ROBO1: variants seen among roughly 807,000 people sequenced by gnomAD.
The protein encoded by ROBO1 is roundabout guidance receptor 1.
A neutral mutation model predicts 195.9 loss-of-function variants in ROBO1; 149 were observed. The ratio of observed to expected loss-of-function variants is 0.76; its 90% CI spans 0.67 to 0.87. The LOEUF (loss-of-function observed/expected upper bound fraction) is 0.87, where lower values mean the gene tolerates loss of function less well. ROBO1 is among the 40% of genes least tolerant of loss of function. The probability of loss-of-function intolerance (pLI) is 0.00; values close to 1 mark genes in which losing one functional copy is unlikely to be tolerated. For missense variants in ROBO1, 1,933 were observed against 2,068.3 expected (o/e 0.93, Z 1.27); for synonymous variants, 816 against 733.2 (o/e 1.11, Z -1.82).
At chr3:79,438,323 T>C (rs1375661041) in intron 2 of ROBO1, among the ~76,000 whole-genome samples, 2 of 152,066 alleles carry the variant, frequency 1.3e-5, no homozygotes, top group East Asian at 3.9e-4. Flanking sequence ...CTCCAATTTA[T>C]ATTAACACTA....
At chr3:78,873,953 C>T (rs1028035795) in intron 4 of ROBO1, among the ~76,000 whole-genome samples, 2 of 151,946 alleles carry the variant, frequency 1.3e-5, no homozygotes, top group Non-Finnish European at 2.9e-5. Flanking sequence ...TGGATTCAAA[C>T]TCAATTTGTT....
chr3:78,995,521 A>G (rs755254476), intron 3 of ROBO1, among the ~76,000 whole-genome samples: 2 of 152,084 alleles, frequency 1.3e-5, no homozygotes, highest in African/African-American at 2.4e-5. Flanking sequence ...GTCGATCGGG[A>G]GCATGTTGGG....
At chr3:78,791,806 G>A (rs1377504532) in intron 4 of ROBO1, among the ~76,000 whole-genome samples, 2 of 152,174 alleles carry the variant, frequency 1.3e-5, no homozygotes, top group Non-Finnish European at 2.9e-5. Context: ...GTGCTACGTA[G>A]CAATGTTCCG....
At chr3:78,935,795 A>G (rs2039774246) in intron 4 of ROBO1, among the ~76,000 whole-genome samples, 1 of 152,066 alleles carries the variant, frequency 6.6e-6, no homozygotes, top group Non-Finnish European at 1.5e-5. Flanking sequence ...ATAAATTTTA[A>G]AATCACATTT....
At chr3:78,919,493 C>T (rs900534223) in intron 4 of ROBO1, among the ~76,000 whole-genome samples, 8 of 152,174 alleles carry the variant, frequency 5.3e-5, no homozygotes, top group Non-Finnish European at 1.2e-4. Context: ...ATAGTATGTG[C>T]TAACACGGTA....
intron 2 of ROBO1, among the ~76,000 whole-genome samples, chr3:79,332,096 T>C (rs1440060798): frequency 6.7e-6 from 1 of 149,944 alleles, no homozygotes; most frequent in African/African-American, 2.5e-5. Context: ...TGAGCCGAGA[T>C]TGTGCCGCTG....
chr3:78,631,946 G>A (rs1343284137), intron 24 of ROBO1, among the ~76,000 whole-genome samples: 1 of 152,166 alleles, frequency 6.6e-6, no homozygotes, highest in East Asian at 1.9e-4. Context: ...AACATTCTTA[G>A]TAGTTTGACA....
chr3:79,708,187 A>T (rs1182694607), intron 1 of ROBO1, among the ~76,000 whole-genome samples: 3 of 152,288 alleles, frequency 2.0e-5, no homozygotes, highest in Middle Eastern at 3.4e-3. Context: ...TTCACATGAA[A>T]GCTGTCCTCC....
chr3:78,812,114 C>T lies in ROBO1; in HGVS notation c.500-65214G>A, dbSNP rs140878520. Among the ~76,000 whole-genome samples the T allele has an allele frequency of 2.6e-4, 40 of 152,220 alleles. No individual in the cohort carries two copies. The Middle Eastern group carries it at 0.01, about 39-fold the overall frequency. On this transcript the variant is annotated intron_variant, in intron 4 of 30. Transcript: ENST00000464233. ...CACGTTTTGTTATGTGGAGGCCATG[C>T]ATCTAAATCAAGAGTGAATTTTCTA...
chr3:79,055,542 T>C lies in ROBO1; in HGVS notation c.172+69914A>G, dbSNP rs375518269. On this transcript the variant is annotated intron_variant, in intron 3 of 30. Coordinates refer to ENST00000464233, the MANE Select transcript of ROBO1 (RefSeq NM_002941.4). ...TTATCTTGACTTGCACTGGCCCTGA[T>C]GGTCAAAAAGGTACAATTCAGCCTT... Among the ~76,000 whole-genome samples the C allele has an allele frequency of 1.2e-3, 186 of 152,070 alleles. 1 individual carries two copies. The highest frequency in any genetic ancestry group is 4.3e-3 in the African/African-American group (177 of 41,424).
At chr3:79,376,899 C>A (rs1262565555) in intron 2 of ROBO1, among the ~76,000 whole-genome samples, 1 of 152,026 alleles carries the variant, frequency 6.6e-6, no homozygotes, top group Non-Finnish European at 1.5e-5. Flanking sequence ...AAGAAAATAA[C>A]AAGATGTAAG....
At chr3:79,395,321 C>CAAAAAA (rs71631647) in intron 2 of ROBO1, among the ~76,000 whole-genome samples, 1 of 50,148 alleles carries the variant, frequency 2.0e-5, no homozygotes, top group Non-Finnish European at 4.6e-5. Context: ...GACTCCGTCT[C>CAAAAAA]AAAAAAAAAA....
intron 4 of ROBO1, among the ~76,000 whole-genome samples, chr3:78,788,387 G>T (rs1296787124): frequency 4.1e-5 from 6 of 144,994 alleles, no homozygotes; most frequent in Non-Finnish European, 7.5e-5. Flanking sequence ...CAAAGTGCTG[G>T]GATTACAGGT....
intron 19 of ROBO1, among the ~76,000 whole-genome samples, chr3:78,650,903 A>G (rs564073863): frequency 2.7e-4 from 41 of 152,268 alleles, no homozygotes; most frequent in South Asian, 6.2e-4. Context: ...CCTAATCTAC[A>G]GCCCAGATCT....
At chr3:79,377,859 A>C (rs1353804543) in intron 2 of ROBO1, among the ~76,000 whole-genome samples, 1 of 152,192 alleles carries the variant, frequency 6.6e-6, no homozygotes, top group African/African-American at 2.4e-5. Context: ...ACCTAAAACT[A>C]TTTTGAATGT....
At chr3:78,912,544 A>G (rs2038307924) in intron 4 of ROBO1, among the ~76,000 whole-genome samples, 1 of 152,134 alleles carries the variant, frequency 6.6e-6, no homozygotes. Flanking sequence ...TAAACAGGAG[A>G]TTAGCATGGG....
chr3:78,830,458 A>T (rs2032063751), intron 4 of ROBO1, among the ~76,000 whole-genome samples: 1 of 152,168 alleles, frequency 6.6e-6, no homozygotes, highest in African/African-American at 2.4e-5. Context: ...GGTTTAATTG[A>T]CTCAGAGTTC....
chr3:79,254,310 AC>A (rs563446782), intron 2 of ROBO1, among the ~76,000 whole-genome samples: 72 of 152,232 alleles, frequency 4.7e-4, no homozygotes, highest in African/African-American at 1.7e-3. Context: ...ATAGGAACTT[AC>A]GTGTCTCTTT....
intron 2 of ROBO1, among the ~76,000 whole-genome samples, chr3:79,537,178 T>C (rs1941904050): frequency 6.6e-6 from 1 of 152,074 alleles, no homozygotes; most frequent in Admixed American, 6.6e-5. Flanking sequence ...TAAGTGATTT[T>C]GGAAAATGAC....
Sources: allele counts gnomAD v4.1 joint callset (sites outside exome capture counted in the v4.1 genomes callset), GRCh38; gene constraint gnomAD v4.1.1; transcripts MANE v1.5; gene names NCBI Gene and HGNC (gene_info 2026-07-23, HGNC 2026-07-21).